EFCAB5: variants seen among roughly 807,000 people sequenced by gnomAD.
EFCAB5 encodes the protein EF-hand calcium binding domain 5.
EFCAB5 carries 131 observed loss-of-function variants against 167.9 expected under a neutral mutation model. The observed-to-expected ratio is 0.78, with a 90% CI of 0.68 to 0.90. EFCAB5 has a LOEUF of 0.90. Among genes scored for constraint, EFCAB5 ranks in the 40% least tolerant of loss-of-function variants. The pLI is 0.00. For synonymous variants in EFCAB5, 574 were observed against 602.8 expected, an observed-to-expected ratio of 0.95 and a Z score of 0.70; for missense variants, 1,663 against 1,745.2, an observed-to-expected ratio of 0.95 and a Z score of 0.84.
intron 13 of EFCAB5, 35 bp from the exon 14 acceptor site, chr17:30,059,510 A>G (rs779805142): frequency 1.9e-6 from 3 of 1,544,102 alleles, no homozygotes; most frequent in Non-Finnish European, 2.6e-6. Context: ...ATGAACATAT[A>G]TCTTCCGTGC....
chr17:30,054,855 C>T (rs2070207307), intron 10 of EFCAB5, among the ~76,000 whole-genome samples: 1 of 152,200 alleles, frequency 6.6e-6, no homozygotes, highest in African/African-American at 2.4e-5. Flanking sequence ...TTAATAGCTG[C>T]TGGATTATCA....
chr17:29,941,753 G>A lies in EFCAB5; in HGVS notation c.-44G>A, dbSNP rs772693271. ...TCTTTTTGTTATTAATACTGGTCTA[G>A]TAATATTCTTCTATACCATTTGGTG... is the stretch of plus-strand genomic sequence containing the variant. On this transcript the variant is annotated 5_prime_UTR_variant, in exon 1 of 23. Coordinates refer to ENST00000394835, the MANE Select transcript of EFCAB5 (RefSeq NM_198529.4). 9 of 1,520,588 alleles carry A rather than the reference G, an allele frequency of 5.9e-6. No individual in the cohort carries two copies. In the South Asian group the frequency reaches 6.0e-5, roughly 10 times the overall value. The allele number at this position is 1,520,588 out of a possible 1,614,324, so 94.2% of individuals were successfully genotyped here.
chr17:29,946,568 T>C lies in EFCAB5; in HGVS notation c.190+2919T>C, dbSNP rs140696460. 2.1e-3 allele frequency among the ~76,000 whole-genome samples: 315 copies of C among 150,484 alleles called. 4 individuals carry two copies. Among genetic ancestry groups the C allele is most frequent in the African/African-American group, 7.2e-3 (296 of 40,958 alleles). ...TCTCCTGCCTCAGCCTCCCAAGTAA[T>C]TGGGACTTCAGGCACCTGCCACCAA... On this transcript the variant is annotated intron_variant, in intron 3 of 22. Transcript: ENST00000394835.
chr17:30,070,236 AAAG>A (rs1211075388), intron 14 of EFCAB5, among the ~76,000 whole-genome samples: 1 of 152,216 alleles, frequency 6.6e-6, no homozygotes, highest in Non-Finnish European at 1.5e-5. Context: ...CCTTAAAAAA[AAAG>A]AAGAAAAAGA....
At chr17:30,091,827 C>A in intron 20 of EFCAB5, 44 bp from the exon 21 acceptor site, 1 of 1,597,496 alleles carries the variant, frequency 6.3e-7, no homozygotes, top group South Asian at 1.1e-5. Context: ...CAGCAATGTA[C>A]ATTAGACTGA....
chr17:29,994,489 G>C (rs958344803), intron 5 of EFCAB5, among the ~76,000 whole-genome samples: 4 of 151,860 alleles, frequency 2.6e-5, no homozygotes, highest in African/African-American at 9.7e-5. Flanking sequence ...CAAAAAGGTT[G>C]GGAATCATTG....
chr17:29,954,508 A>C (rs2067574089), intron 3 of EFCAB5, among the ~76,000 whole-genome samples: 1 of 152,204 alleles, frequency 6.6e-6, no homozygotes, highest in African/African-American at 2.4e-5. Context: ...GGGTGTGCAG[A>C]AATCAAGAAC....
At chr17:30,050,337 G>A (rs570627571) in intron 8 of EFCAB5, among the ~76,000 whole-genome samples, 4 of 152,218 alleles carry the variant, frequency 2.6e-5, no homozygotes, top group East Asian at 1.9e-4. Flanking sequence ...GTTTCTCTGC[G>A]TTGGTCAGGC....
At chr17:30,073,138 C>T (rs2070785997) in intron 14 of EFCAB5, 2 of 699,476 alleles carry the variant, frequency 2.9e-6, no homozygotes, top group Non-Finnish European at 5.2e-6. Flanking sequence ...TCACTGCAGC[C>T]TCCAACTCCC....
chr17:30,060,152 TCTCA>T (rs2070386319), intron 14 of EFCAB5, among the ~76,000 whole-genome samples: 2 of 152,158 alleles, frequency 1.3e-5, no homozygotes, highest in South Asian at 2.1e-4. Flanking sequence ...ACCTGGCTAC[TCTCA>T]CTATGTAACT....
At chr17:29,946,374 C>G (rs1487651446) in intron 3 of EFCAB5, among the ~76,000 whole-genome samples, 1 of 150,370 alleles carries the variant, frequency 6.7e-6, no homozygotes, top group Non-Finnish European at 1.5e-5. Flanking sequence ...TGCTTGTACA[C>G]TGCTGGTGGG....
intron 22 of EFCAB5, among the ~76,000 whole-genome samples, chr17:30,099,550 C>T (rs2071352689): frequency 6.6e-6 from 1 of 152,206 alleles, no homozygotes; most frequent in Non-Finnish European, 1.5e-5. Flanking sequence ...CCCAAAGTTG[C>T]AAAAATTTCA....
chr17:29,970,637 G>GACACACACACACACACACACACACAC (rs34545008), intron 4 of EFCAB5, among the ~76,000 whole-genome samples: 75 of 138,732 alleles, frequency 5.4e-4, no homozygotes, highest in African/African-American at 2.0e-3. Context: ...CTCAAAAACA[G>GACACACACACACACACACACACACAC]ACACACACAC....
intron 3 of EFCAB5, among the ~76,000 whole-genome samples, chr17:29,966,838 A>C (rs919242253): frequency 6.6e-6 from 1 of 151,510 alleles, no homozygotes; most frequent in East Asian, 1.9e-4. Flanking sequence ...CTTATTTACT[A>C]TAGTTTTTTT....
chr17:29,997,490 A>C (rs903787362), intron 6 of EFCAB5, among the ~76,000 whole-genome samples: 1 of 151,984 alleles, frequency 6.6e-6, no homozygotes, highest in Admixed American at 6.6e-5. Flanking sequence ...AGACTGACAC[A>C]GGTGTGTTGT....
chr17:30,081,053 C>T, intron 17 of EFCAB5, 72 bp downstream of exon 17: 1 of 1,188,514 alleles, frequency 8.4e-7, no homozygotes, highest in Non-Finnish European at 1.2e-6. Flanking sequence ...AGAGTGAAAC[C>T]TGAAATCCGA....
At chr17:30,099,972 CA>C (rs1213911372) in intron 22 of EFCAB5, among the ~76,000 whole-genome samples, 4 of 152,076 alleles carry the variant, frequency 2.6e-5, no homozygotes, top group Non-Finnish European at 4.4e-5. Flanking sequence ...ATTATTCAGA[CA>C]TTGGATCTCC....
chr17:29,992,432 C>T (rs1390394261), intron 4 of EFCAB5, among the ~76,000 whole-genome samples: 1 of 152,198 alleles, frequency 6.6e-6, no homozygotes, highest in Non-Finnish European at 1.5e-5. Context: ...ACTGCAAGCT[C>T]CACCTCCTGG....
At chr17:30,078,124 G>A in intron 14 of EFCAB5, 91 bp from the exon 15 acceptor site, 1 of 1,385,944 alleles carries the variant, frequency 7.2e-7, no homozygotes, top group South Asian at 1.5e-5. Flanking sequence ...GTTGCCCAGG[G>A]CTTCAGTTCA....
Sources: gnomAD v4.1 joint callset for allele counts (sites outside exome capture counted in the v4.1 genomes callset) on GRCh38, gnomAD v4.1.1 for gene constraint, MANE v1.5 for transcripts, NCBI Gene and HGNC (gene_info 2026-07-23, HGNC 2026-07-21) for gene names.